JAG2: variants seen among roughly 807,000 people sequenced by gnomAD.
JAG2 encodes the protein protein jagged-2.
In JAG2, 46 loss-of-function variants were observed where a neutral mutation model predicts 141.7. The observed-to-expected ratio is 0.32, with a 90% CI of 0.26 to 0.42. The LOEUF is 0.42. Among genes scored for constraint, JAG2 ranks in the 10% least tolerant of loss-of-function variants. JAG2 has a pLI of 1.00. For missense variants in JAG2, 1,500 were observed against 1,817.5 expected, an observed-to-expected ratio of 0.83 and a Z score of 3.18; for synonymous variants, 862 against 763.5, an observed-to-expected ratio of 1.13 and a Z score of -2.13.
At chr14:105,160,861 C>T (rs1364639473) in intron 2 of JAG2, among the ~76,000 whole-genome samples, 1 of 140,870 alleles carries the variant, frequency 7.1e-6, no homozygotes, top group Non-Finnish European at 1.5e-5. Flanking sequence ...AAAACTCCAT[C>T]TCAAAAAAAA....
rs1303550480 is a variant in JAG2 at position 105,144,984 on chromosome 14, C to T, written c.3030G>A (p.Leu1010=). The T allele has an allele frequency of 6.2e-7, 1 of 1,608,790 alleles. No individual in the cohort carries two copies. The highest frequency in any genetic ancestry group is 2.2e-5 in the East Asian group (1 of 44,870). ...ATRAVARDRL[L]VLLCDRASSG... is the part of the protein sequence containing the mutation. ...AGGACGCCCGGTCGCAAAGCAACAC[C>T]AGCAGGCGGTCCCGTGCCACAGCCC... is the stretch of plus-strand genomic sequence containing the variant. Residue 1010 remains leucine, a synonymous_variant, in exon 24 of 26, where the codon CTG becomes CTA. Transcript: ENST00000331782.
At chr14:105,143,913 A>T (rs1273264038) in intron 24 of JAG2, among the ~76,000 whole-genome samples, 1 of 91,528 alleles carries the variant, frequency 1.1e-5, no homozygotes, top group Non-Finnish European at 2.2e-5. Flanking sequence ...CAGTGGGGGG[A>T]AGGGGAGGGG....
rs188002872 is a variant in JAG2 at position 105,143,401 on chromosome 14, T to A, written c.3241+81A>T. 7.3e-4 allele frequency: 1,075 copies of A among 1,481,686 alleles called. 15 individuals carry two copies. In the African/African-American group the frequency reaches 0.013, roughly 18 times the overall value. The allele number at this position is 1,481,686 out of a possible 1,614,324, so 91.8% of individuals were successfully genotyped here. On this transcript the variant is annotated intron_variant, in intron 25 of 25. Coordinates refer to ENST00000331782, the MANE Select transcript of JAG2 (RefSeq NM_002226.5). ...TCTGTGTTCCTGGTGGCTGGCAGGA[T>A]CGGCAGGATCGGCCGGCTCTGTGCC...
chr14:105,144,236 G>A (rs749171492), intron 24 of JAG2, among the ~76,000 whole-genome samples: 6 of 128,144 alleles, frequency 4.7e-5, no homozygotes, highest in African/African-American at 8.8e-5. Flanking sequence ...ACAGCAACCC[G>A]GGGCTGTGCC....
chr14:105,141,873 T>C lies in JAG2; in HGVS notation c.*822A>G, dbSNP rs1330364574. The C allele has an allele frequency of 6.6e-6, 1 of 152,528 alleles. No homozygotes were observed. Among genetic ancestry groups the C allele is most frequent in the East Asian group, 1.9e-4 (1 of 5,202 alleles). 9.4% of individuals were successfully genotyped at this position (152,528 alleles called of 1,614,324 possible). ...CTGGTGCCACGGCACGCGTGGACAG[T>C]TGCGAGGGGTCTGTGTGAAGGCACT... On this transcript the variant is annotated 3_prime_UTR_variant, in exon 26 of 26. Transcript: ENST00000331782.
rs1372897442 is a variant in JAG2, at chr14:105,168,349, G to A, written c.66+6C>T. ...CGACCCCCGCCGCCCCCGCCGCCCCGCTCACCTGCACCCAGAGCGCCAGCA... is the reference window on the plus strand; with the variant it reads ...CGACCCCCGCCGCCCCCGCCGCCCCACTCACCTGCACCCAGAGCGCCAGCA... On this transcript the variant is annotated splice_donor_region_variant and intron_variant, in intron 1 of 25. Coordinates refer to ENST00000331782, the MANE Select transcript of JAG2 (RefSeq NM_002226.5). The A allele has an allele frequency of 1.7e-5, 8 of 466,070 alleles. No individual in the cohort carries two copies. The highest frequency in any genetic ancestry group is 2.2e-5 in the African/African-American group (1 of 45,318). 28.9% of individuals were successfully genotyped at this position (466,070 alleles called of 1,614,324 possible). A position where few individuals can be genotyped will look rare whatever the true frequency, so the allele number is the denominator to read the frequency against.
chr14:105,142,844 A>AGTCCTCCTCACCGCGGCCCAGATCCTC lies in JAG2; in HGVS notation c.3541_3567dup (p.Glu1181_Asp1189dup). The AGTCCTCCTCACCGCGGCCCAGATCCTC allele has an allele frequency of 1.2e-6, 2 of 1,609,786 alleles. No individual in the cohort carries two copies. Among genetic ancestry groups the AGTCCTCCTCACCGCGGCCCAGATCCTC allele is most frequent in the Non-Finnish European group, 1.7e-6 (2 of 1,178,508 alleles). ...GAGAGGAACTTCTCCGCCTCCAGGG[A>AGTCCTCCTCACCGCGGCCCAGATCCTC]GTCCTCCTCACCGCGGCCCAGATCC... On this transcript the variant is annotated inframe_insertion, in exon 26 of 26. Transcript: ENST00000331782.
chr14:105,153,266 G>A (rs943924944), intron 5 of JAG2, among the ~76,000 whole-genome samples: 2 of 152,242 alleles, frequency 1.3e-5, no homozygotes, highest in African/African-American at 4.8e-5. Context: ...TATCAGCCCA[G>A]TTCAGCTGCC....
chr14:105,150,597 A>AC lies in JAG2; in HGVS notation c.1602+6dup. 12 of 1,546,926 alleles carry AC rather than the reference A, an allele frequency of 7.8e-6. No individual in the cohort carries two copies. The highest frequency in any genetic ancestry group is 9.6e-6 in the Non-Finnish European group (11 of 1,145,322). On this transcript the variant is annotated splice_region_variant and intron_variant, in intron 12 of 25. Transcript: ENST00000331782. ...CAGGTGGGGCAGGGTGACCAGGCAGACCTCACCTCACAGAGAGGCCCGGAG... is the reference window on the plus strand; with the variant it reads ...CAGGTGGGGCAGGGTGACCAGGCAGACCCTCACCTCACAGAGAGGCCCGGAG...
At position 105,142,521 on chromosome 14, in the gene JAG2, C is replaced by A; in HGVS notation, c.*174G>T. The A allele has an allele frequency of 1.7e-6, 1 of 601,814 alleles. No individual in the cohort carries two copies. The allele number at this position is 601,814 out of a possible 1,614,324, so 37.3% of individuals were successfully genotyped here. On this transcript the variant is annotated 3_prime_UTR_variant, in exon 26 of 26. Coordinates refer to ENST00000331782, the MANE Select transcript of JAG2 (RefSeq NM_002226.5). ...TCCATTGTTTTCAGCCTGACAGTTA[C>A]TGAATAATTTATACAAGGTTAAAGA... is the stretch of plus-strand genomic sequence containing the variant.
chr14:105,152,754 A>G (rs1028615331), intron 5 of JAG2, among the ~76,000 whole-genome samples: 1 of 152,028 alleles, frequency 6.6e-6, no homozygotes, highest in Non-Finnish European at 1.5e-5. Context: ...CCCCCACCTC[A>G]AAGGCAGTCA....
chr14:105,149,083 T>G lies in JAG2; in HGVS notation c.1760A>C (p.Asp587Ala). The stretch of plus-strand genomic sequence containing the variant: ...AGGCCCCGCGTCTGACCCGCAGCCA[T>G]CGATCACTATGGCAGGCAGTACAGT... ...PCPGGACRVI[D>A]GCGSDAGPGM... The change falls in exon 14 of 26, where the codon GAT (aspartate) becomes GCT (alanine). Residue 587 changes from aspartate to alanine, a missense_variant. Physicochemically the swap from Asp to Ala is moderately radical, Grantham distance 126. Coordinates refer to ENST00000331782, the MANE Select transcript of JAG2 (RefSeq NM_002226.5). 1 of 1,608,434 alleles carries G rather than the reference T, an allele frequency of 6.2e-7. No homozygotes were observed. The highest frequency in any genetic ancestry group is 8.5e-7 in the Non-Finnish European group (1 of 1,178,438).
In JAG2 at chr14:105,161,941, G is replaced by C. The variant is rs587641702; in HGVS notation, c.418-4178C>G. On this transcript the variant is annotated intron_variant, in intron 2 of 25. Coordinates refer to ENST00000331782, the MANE Select transcript of JAG2 (RefSeq NM_002226.5). ...CTGGCGGGCCACGATCTGGGACAGG[G>C]TTTTGTCAACACCAAACCCCTAGAA... is the stretch of plus-strand genomic sequence containing the variant. Among the ~76,000 whole-genome samples, 184 of 152,082 alleles carry C rather than the reference G, an allele frequency of 1.2e-3. 7 individuals carry two copies. The South Asian group carries it at 0.029, about 24-fold the overall frequency.
At chr14:105,143,771 T>A in intron 24 of JAG2, 133 bp from the exon 25 acceptor site, 1 of 1,046,450 alleles carries the variant, frequency 9.6e-7, no homozygotes, top group Non-Finnish European at 1.4e-6. Flanking sequence ...GGTCCTGCAG[T>A]GGCGACTTCA....
Position 105,145,100 on chromosome 14 carries a change from G to A in JAG2, c.2953-39C>T, listed in dbSNP as rs1027097768. ...GGCAGTGCGTGGGCAGGGCAGGGCC[G>A]TGAACCTGACACCTACATCCCTGGA... On this transcript the variant is annotated intron_variant, in intron 23 of 25. Transcript: ENST00000331782. 5 of 1,605,676 alleles carry A rather than the reference G, an allele frequency of 3.1e-6. No homozygotes were observed. The East Asian group carries it at 6.7e-5, about 21-fold the overall frequency.
intron 2 of JAG2, among the ~76,000 whole-genome samples, chr14:105,159,658 C>A (rs868219552): frequency 1.4e-5 from 2 of 138,244 alleles, no homozygotes; most frequent in Non-Finnish European, 3.1e-5. Flanking sequence ...TCCACACCCC[C>A]CAACAGGCTC....
chr14:105,156,542 G>GT (rs1888588737), intron 3 of JAG2, among the ~76,000 whole-genome samples: 2 of 151,674 alleles, frequency 1.3e-5, no homozygotes, highest in African/African-American at 4.9e-5. Context: ...GTGACCCGCT[G>GT]TCTAAGCCTC....
chr14:105,167,593 G>C lies in JAG2; in HGVS notation c.417+164C>G. Among the ~76,000 whole-genome samples the C allele has an allele frequency of 6.8e-6, 1 of 148,078 alleles. No individual in the cohort carries two copies. The highest frequency in any genetic ancestry group is 2.0e-4 in the East Asian group (1 of 5,118). ...CCGGCGCGCCCACGTGGCCAGGCGC[G>C]GACCAAGTCCCCAGAGCACGCGCCC... On this transcript the variant is annotated intron_variant, in intron 2 of 25. Transcript: ENST00000331782. The surrounding 1 kb of genome is among the most constrained non-coding windows in gnomAD (Gnocchi z 4.8).
rs751657539 is a variant in JAG2, at chr14:105,143,207, C to A, written c.3242-37G>T. Reference sequence around the variant, plus strand: ...GGAGAAGAGCCGGTGGGCAATGAGGCCTGGGCACCTGCGGGGCACTAGCCA... The same window carrying A: ...GGAGAAGAGCCGGTGGGCAATGAGGACTGGGCACCTGCGGGGCACTAGCCA... On this transcript the variant is annotated intron_variant, in intron 25 of 25. Coordinates refer to ENST00000331782, the MANE Select transcript of JAG2 (RefSeq NM_002226.5). 2 of 1,576,668 alleles carry A rather than the reference C, an allele frequency of 1.3e-6. 1 individual carries two copies. Among genetic ancestry groups the A allele is most frequent in the South Asian group, 2.2e-5 (2 of 88,942 alleles).
Sources: allele counts gnomAD v4.1 joint callset (sites outside exome capture counted in the v4.1 genomes callset), GRCh38; gene constraint gnomAD v4.1.1; non-coding constraint Gnocchi (gnomAD v3.1); transcripts MANE v1.5; gene names NCBI Gene and HGNC (gene_info 2026-07-23, HGNC 2026-07-21).